CTNND2: variants seen among roughly 807,000 people sequenced by gnomAD.
CTNND2 encodes the protein catenin delta 2.
In CTNND2, 22 loss-of-function variants were observed where a neutral mutation model predicts 144.4. That is an observed-to-expected ratio of 0.15 (90% CI 0.11 to 0.22). CTNND2 has a LOEUF of 0.22. Ranked by LOEUF, CTNND2 falls within the 10% of genes least tolerant of loss-of-function variation. The pLI is 1.00. For synonymous variants in CTNND2, 751 were observed against 695.6 expected (o/e 1.08, Z -1.25); for missense variants, 1,353 against 1,618.8 (o/e 0.84, Z 2.82).
chr5:11,619,943 T>C (rs761294065), intron 2 of CTNND2, among the ~76,000 whole-genome samples: 5 of 152,338 alleles, frequency 3.3e-5, no homozygotes, highest in Admixed American at 2.6e-4. Flanking sequence ...CATCATACTT[T>C]AGTGATTAGA....
intron 9 of CTNND2, among the ~76,000 whole-genome samples, chr5:11,244,176 T>C (rs1322778467): frequency 1.3e-5 from 2 of 152,174 alleles, no homozygotes; most frequent in Non-Finnish European, 2.9e-5. Context: ...TACATTCTTG[T>C]TGACCAAAGA....
At chr5:11,492,774 T>C (rs1468363539) in intron 3 of CTNND2, among the ~76,000 whole-genome samples, 1 of 151,964 alleles carries the variant, frequency 6.6e-6, no homozygotes, top group South Asian at 2.1e-4. Context: ...ATTCTTCATA[T>C]AAATATTAAG....
At chr5:11,157,790 C>T (rs9312757) in intron 12 of CTNND2, among the ~76,000 whole-genome samples, 134 of 152,194 alleles carry the variant, frequency 8.8e-4, no homozygotes, top group African/African-American at 3.1e-3. Flanking sequence ...TCATTTTTTG[C>T]TTCCTATTAT....
chr5:11,741,357 G>T (rs1787995048), intron 1 of CTNND2, among the ~76,000 whole-genome samples: 1 of 152,066 alleles, frequency 6.6e-6, no homozygotes, highest in African/African-American at 2.4e-5. Flanking sequence ...AGAAAATGTG[G>T]CACATATACA....
rs575700580 is a variant in CTNND2 at position 11,847,596 on chromosome 5, T to C, written c.37+56221A>G. Among the ~76,000 whole-genome samples, 4 of 152,148 alleles carry C rather than the reference T, an allele frequency of 2.6e-5. No homozygotes were observed. In the South Asian group the frequency reaches 8.3e-4, roughly 32 times the overall value. On this transcript the variant is annotated intron_variant, in intron 1 of 21. Coordinates refer to ENST00000304623, the MANE Select transcript of CTNND2 (RefSeq NM_001332.4). ...AGGGTGACCACAGCAAGTAACAATG[T>C]AGTATATATTTCGAAATAGCTAGAA...
chr5:11,707,756 CACA>C (rs1417745005), intron 2 of CTNND2, among the ~76,000 whole-genome samples: 1 of 152,166 alleles, frequency 6.6e-6, no homozygotes, highest in African/African-American at 2.4e-5. Flanking sequence ...ATTTTAGACA[CACA>C]ACAATTTGCG....
At chr5:11,632,648 A>C (rs780437643) in intron 2 of CTNND2, among the ~76,000 whole-genome samples, 7 of 152,176 alleles carry the variant, frequency 4.6e-5, no homozygotes, top group Non-Finnish European at 8.8e-5. Context: ...CTGCCTCTGA[A>C]GGAGCCTAGA....
chr5:11,426,933 C>T (rs1762833237), intron 3 of CTNND2, among the ~76,000 whole-genome samples: 1 of 152,154 alleles, frequency 6.6e-6, no homozygotes, highest in Non-Finnish European at 1.5e-5. Flanking sequence ...ATCAAGAAAT[C>T]AAAGAAACAC....
intron 7 of CTNND2, among the ~76,000 whole-genome samples, chr5:11,378,357 G>C (rs1002891139): frequency 6.6e-6 from 1 of 152,190 alleles, no homozygotes; most frequent in Non-Finnish European, 1.5e-5. Flanking sequence ...GCAATGAGTC[G>C]CTGTCGTTGG....
At chr5:11,610,208 G>A (rs954942678) in intron 2 of CTNND2, among the ~76,000 whole-genome samples, 1 of 152,120 alleles carries the variant, frequency 6.6e-6, no homozygotes, top group African/African-American at 2.4e-5. Flanking sequence ...TTATAGCAGT[G>A]ACCTTCATAA....
intron 3 of CTNND2, among the ~76,000 whole-genome samples, chr5:11,532,452 C>G (rs1332061555): frequency 2.0e-5 from 3 of 152,110 alleles, no homozygotes; most frequent in African/African-American, 7.2e-5. Context: ...ATTCTTCAAG[C>G]CAACTTCAAT....
At chr5:11,660,999 A>T (rs1351738456) in intron 2 of CTNND2, among the ~76,000 whole-genome samples, 2 of 152,138 alleles carry the variant, frequency 1.3e-5, no homozygotes, top group East Asian at 3.8e-4. Flanking sequence ...TAGATCAGAG[A>T]ATTATTTGAG....
chr5:11,476,497 G>A (rs1283259512), intron 3 of CTNND2, among the ~76,000 whole-genome samples: 1 of 152,112 alleles, frequency 6.6e-6, no homozygotes, highest in Non-Finnish European at 1.5e-5. Flanking sequence ...GGAGGCAAAA[G>A]TAAACACAAA....
chr5:11,077,730 G>A (rs1749097999), intron 16 of CTNND2, among the ~76,000 whole-genome samples: 1 of 152,154 alleles, frequency 6.6e-6, no homozygotes, highest in Admixed American at 6.5e-5. Context: ...GACTAGGTAA[G>A]GGGGTGCTCA....
At chr5:11,286,266 GGAA>G (rs1312345011) in intron 9 of CTNND2, among the ~76,000 whole-genome samples, 1 of 151,768 alleles carries the variant, frequency 6.6e-6, no homozygotes, top group African/African-American at 2.4e-5. Context: ...GCCACCAGTT[GGAA>G]GAATTTATAA....
intron 1 of CTNND2, among the ~76,000 whole-genome samples, chr5:11,825,057 G>A (rs1793526190): frequency 6.6e-6 from 1 of 151,952 alleles, no homozygotes; most frequent in Non-Finnish European, 1.5e-5. Flanking sequence ...ATTTCCAGAG[G>A]CATATAGTAT....
At chr5:11,747,372 A>G (rs540862829) in intron 1 of CTNND2, among the ~76,000 whole-genome samples, 1 of 152,342 alleles carries the variant, frequency 6.6e-6, no homozygotes, top group Non-Finnish European at 1.5e-5. Context: ...CATAAAAATG[A>G]AGTTCAGTGT....
chr5:11,302,469 C>A (rs1045949210), intron 9 of CTNND2, among the ~76,000 whole-genome samples: 1 of 152,140 alleles, frequency 6.6e-6, no homozygotes, highest in Admixed American at 6.5e-5. Context: ...TGTGCTACTT[C>A]CTTACAAGGG....
intron 3 of CTNND2, among the ~76,000 whole-genome samples, chr5:11,436,451 G>A (rs950299971): frequency 4.6e-5 from 7 of 152,126 alleles, no homozygotes; most frequent in Admixed American, 6.5e-5. Flanking sequence ...GAAAATACAA[G>A]ATTTTATAGA....
Sources: gnomAD v4.1 joint callset for allele counts (sites outside exome capture counted in the v4.1 genomes callset) on GRCh38, gnomAD v4.1.1 for gene constraint, MANE v1.5 for transcripts, NCBI Gene and HGNC (gene_info 2026-07-23, HGNC 2026-07-21) for gene names.